SORCS2: variants seen among roughly 807,000 people sequenced by gnomAD.
SORCS2 encodes sortilin related VPS10 domain containing receptor 2.
A neutral mutation model predicts 141.6 loss-of-function variants in SORCS2; 100 were observed. The ratio of observed to expected loss-of-function variants is 0.71; its 90% CI spans 0.60 to 0.83. The LOEUF is 0.83. Among genes scored for constraint, SORCS2 ranks in the 40% least tolerant of loss-of-function variants. The pLI is 0.00. For missense variants in SORCS2, 1,646 were observed against 1,560.2 expected, an observed-to-expected ratio of 1.05 and a Z score of -0.93; for synonymous variants, 789 against 676.9, an observed-to-expected ratio of 1.17 and a Z score of -2.57.
intron 2 of SORCS2, among the ~76,000 whole-genome samples, chr4:7,484,630 C>T (rs1171037300): frequency 6.6e-6 from 1 of 152,184 alleles, no homozygotes; most frequent in Middle Eastern, 3.2e-3. Flanking sequence ...CAATTCCTCT[C>T]CTTTCTAACC....
chr4:7,272,009 G>A (rs979097588), intron 1 of SORCS2, among the ~76,000 whole-genome samples: 1 of 152,232 alleles, frequency 6.6e-6, no homozygotes, highest in Admixed American at 6.5e-5. Context: ...TGGCATATGG[G>A]AAGGGTGTGT....
chr4:7,507,405 C>T (rs1232383539), intron 2 of SORCS2, among the ~76,000 whole-genome samples: 2 of 152,176 alleles, frequency 1.3e-5, no homozygotes, highest in African/African-American at 4.8e-5. Flanking sequence ...GATCTTCTGA[C>T]CTCCTGGGTC....
chr4:7,575,475 A>G (rs1715688887), intron 3 of SORCS2, among the ~76,000 whole-genome samples: 1 of 152,230 alleles, frequency 6.6e-6, no homozygotes. Context: ...TTCAACTGCT[A>G]CATTTTTATT....
At chr4:7,716,761 G>A (rs552128480) in intron 17 of SORCS2, among the ~76,000 whole-genome samples, 1 of 152,328 alleles carries the variant, frequency 6.6e-6, no homozygotes, top group East Asian at 1.9e-4. Flanking sequence ...AAGCTGCAGT[G>A]GTTGCACATC....
intron 3 of SORCS2, among the ~76,000 whole-genome samples, chr4:7,621,069 CA>C (rs1318421021): frequency 6.6e-6 from 1 of 152,156 alleles, no homozygotes; most frequent in Non-Finnish European, 1.5e-5. Flanking sequence ...AGCTGCTGAC[CA>C]CAAGGAGGGG....
At chr4:7,469,033 C>T (rs1032242541) in intron 2 of SORCS2, among the ~76,000 whole-genome samples, 1 of 152,062 alleles carries the variant, frequency 6.6e-6, no homozygotes, top group Non-Finnish European at 1.5e-5. Context: ...AGGAACACTC[C>T]TAAAGTGCTT....
intron 3 of SORCS2, among the ~76,000 whole-genome samples, chr4:7,619,445 C>T (rs1037329799): frequency 2.0e-5 from 3 of 152,166 alleles, no homozygotes; most frequent in Admixed American, 6.5e-5. Flanking sequence ...CCGGAAGCTT[C>T]TGGCCAGTAA....
chr4:7,724,031 G>T (rs1198654883), intron 19 of SORCS2, 148 bp downstream of exon 19: 5 of 946,476 alleles, frequency 5.3e-6, no homozygotes. Context: ...CAGGGAGGCT[G>T]GGCTCAAACC....
chr4:7,325,116 G>A (rs1310019846), intron 1 of SORCS2, among the ~76,000 whole-genome samples: 9 of 152,222 alleles, frequency 5.9e-5, no homozygotes, highest in Non-Finnish European at 1.3e-4. Flanking sequence ...ATCTCCCCAG[G>A]TCCCCAGGCC....
At chr4:7,641,426 G>A (rs1473684426) in intron 4 of SORCS2, among the ~76,000 whole-genome samples, 2 of 152,094 alleles carry the variant, frequency 1.3e-5, no homozygotes, top group East Asian at 3.9e-4. Context: ...AGAACAGCAT[G>A]GGGGAAACTG....
intron 1 of SORCS2, among the ~76,000 whole-genome samples, chr4:7,352,796 G>A (rs1434807429): frequency 1.3e-5 from 2 of 152,144 alleles, no homozygotes; most frequent in Non-Finnish European, 2.9e-5. Context: ...TATGGGCCAG[G>A]GACTGTGTGT....
At chr4:7,392,545 A>G (rs1225881780) in intron 1 of SORCS2, among the ~76,000 whole-genome samples, 1 of 152,078 alleles carries the variant, frequency 6.6e-6, no homozygotes, top group Non-Finnish European at 1.5e-5. Flanking sequence ...GTGAGTCCCC[A>G]CTGTCATGGA....
At chr4:7,615,242 T>C (rs1244546858) in intron 3 of SORCS2, among the ~76,000 whole-genome samples, 1 of 152,246 alleles carries the variant, frequency 6.6e-6, no homozygotes, top group Non-Finnish European at 1.5e-5. Flanking sequence ...TTTCTGGAGA[T>C]ATAACAGTGA....
chr4:7,691,277 G>T (rs1007200747), intron 11 of SORCS2, among the ~76,000 whole-genome samples: 1 of 152,240 alleles, frequency 6.6e-6, no homozygotes, highest in African/African-American at 2.4e-5. Flanking sequence ...CTGGCCCAGG[G>T]TGGGCCCTCC....
chr4:7,484,649 TC>T (rs1730863528), intron 2 of SORCS2, among the ~76,000 whole-genome samples: 1 of 152,202 alleles, frequency 6.6e-6, no homozygotes. Flanking sequence ...CCTCCTCCGT[TC>T]TGATCCCAGT....
At chr4:7,221,465 T>C (rs1368092881) in intron 1 of SORCS2, among the ~76,000 whole-genome samples, 1 of 152,236 alleles carries the variant, frequency 6.6e-6, no homozygotes, top group Non-Finnish European at 1.5e-5. Context: ...GCTGGCGCTC[T>C]TCTCATTCAA....
At chr4:7,543,232 C>T (rs1046745965) in intron 3 of SORCS2, among the ~76,000 whole-genome samples, 7 of 152,190 alleles carry the variant, frequency 4.6e-5, no homozygotes, top group African/African-American at 1.7e-4. Context: ...GGGAGACAAA[C>T]GGGGTGACAG....
At chr4:7,625,698 G>C (rs374011058) in intron 3 of SORCS2, among the ~76,000 whole-genome samples, 1 of 151,852 alleles carries the variant, frequency 6.6e-6, no homozygotes, top group Non-Finnish European at 1.5e-5. Flanking sequence ...ATGGAAGGAC[G>C]GATGGAGGGG....
intron 3 of SORCS2, among the ~76,000 whole-genome samples, chr4:7,585,681 T>G (rs756019590): frequency 6.6e-6 from 1 of 152,266 alleles, no homozygotes; most frequent in Non-Finnish European, 1.5e-5. Context: ...GCGAATGGTT[T>G]CAATGCTCAC....
Sources: allele counts gnomAD v4.1 joint callset (sites outside exome capture counted in the v4.1 genomes callset), GRCh38; gene constraint gnomAD v4.1.1; transcripts MANE v1.5; gene names NCBI Gene and HGNC (gene_info 2026-07-23, HGNC 2026-07-21).